The following SLC1A2 variants were observed in gnomAD, a reference collection of about 807,000 sequenced individuals.
The protein encoded by SLC1A2 is solute carrier family 1 member 2.
SLC1A2 carries 15 observed loss-of-function variants against 48.8 expected under a neutral mutation model. That is an observed-to-expected ratio of 0.31 (90% CI 0.21 to 0.47). The LOEUF (loss-of-function observed/expected upper bound fraction) is 0.47. Among genes scored for constraint, SLC1A2 ranks in the 20% least tolerant of loss-of-function variants. The pLI, the probability that SLC1A2 is intolerant of heterozygous loss-of-function variation, is 0.99. For missense variants in SLC1A2, 502 were observed against 730.5 expected, an observed-to-expected ratio of 0.69 and a Z score of 3.61; for synonymous variants, 279 against 272.6, an observed-to-expected ratio of 1.02 and a Z score of -0.23.
At chr11:35,318,684 G>A (rs956253748) in intron 1 of SLC1A2, among the ~76,000 whole-genome samples, 3 of 152,190 alleles carry the variant, frequency 2.0e-5, no homozygotes, top group Non-Finnish European at 2.9e-5. Flanking sequence ...CTTGCTAGCT[G>A]TGTGGGGTGT....
intron 1 of SLC1A2, among the ~76,000 whole-genome samples, chr11:35,321,367 G>C (rs61045842): frequency 0.023 from 3,442 of 152,238 alleles, 117 homozygotes; most frequent in African/African-American, 0.078. Flanking sequence ...CAAGTGTCCA[G>C]GGAAGGCGTC....
At chr11:35,369,803 A>G (rs1235891292) in intron 1 of SLC1A2, among the ~76,000 whole-genome samples, 1 of 152,246 alleles carries the variant, frequency 6.6e-6, no homozygotes, top group African/African-American at 2.4e-5. Context: ...GTATTCAGGC[A>G]GGAGCTGGGG....
chr11:35,276,112 A>T (rs940080891), intron 9 of SLC1A2, among the ~76,000 whole-genome samples: 1 of 152,056 alleles, frequency 6.6e-6, no homozygotes, highest in African/African-American at 2.4e-5. Context: ...GCAGAATTCT[A>T]CTCTAGGTCT....
intron 6 of SLC1A2, among the ~76,000 whole-genome samples, chr11:35,292,995 G>GAC (rs907899687): frequency 6.6e-6 from 1 of 151,772 alleles, no homozygotes; most frequent in Non-Finnish European, 1.5e-5. Context: ...GAGACAGAGA[G>GAC]AGAGAGAGAG....
At chr11:35,361,982 A>C (rs935524252) in intron 1 of SLC1A2, among the ~76,000 whole-genome samples, 2 of 152,228 alleles carry the variant, frequency 1.3e-5, no homozygotes, top group Non-Finnish European at 2.9e-5. Context: ...CCTGTCTCAA[A>C]AATAAATAAA....
At chr11:35,292,140 C>G (rs1851029561) in intron 7 of SLC1A2, 147 bp downstream of exon 7, 2 of 679,752 alleles carry the variant, frequency 2.9e-6, no homozygotes, top group African/African-American at 3.6e-5. Context: ...GACAAAAATT[C>G]AAATCATTCG....
At chr11:35,339,854 G>A (rs145621916) in intron 1 of SLC1A2, among the ~76,000 whole-genome samples, 2 of 152,266 alleles carry the variant, frequency 1.3e-5, no homozygotes, top group African/African-American at 4.8e-5. Flanking sequence ...AAATGAGAGG[G>A]TGACTCACAG....
chr11:35,314,741 AG>A (rs1316724088), intron 3 of SLC1A2, among the ~76,000 whole-genome samples: 2 of 150,256 alleles, frequency 1.3e-5, no homozygotes, highest in Non-Finnish European at 3.0e-5. Flanking sequence ...AAACCACTAG[AG>A]GTATCATCAC....
rs1407916356 is a variant in SLC1A2, at chr11:35,292,437, C to A, written c.941G>T (p.Gly314Val). 1 of 1,613,746 alleles carries A rather than the reference C, an allele frequency of 6.2e-7. No homozygotes were observed. Residue 314 changes from glycine to valine, a missense_variant, in exon 7 of 11, where the codon GGG (glycine) becomes GTG (valine). By Grantham distance (109) the Gly-to-Val change is moderately radical. Transcript: ENST00000278379. ...KDLEVVARQL[G>V]MYMVTVIIGL... is the part of the protein sequence containing the mutation. ...TATGATCACTGTTACCATGTACATC[C>A]CCAGTTGCCTAGCAACCACTTCTAA...
At chr11:35,306,521 A>T (rs1241295342) in intron 4 of SLC1A2, among the ~76,000 whole-genome samples, 1 of 152,232 alleles carries the variant, frequency 6.6e-6, no homozygotes, top group Non-Finnish European at 1.5e-5. Context: ...TTTTTAATGT[A>T]TACAATGTGT....
At chr11:35,318,612 A>T (rs188518704) in intron 1 of SLC1A2, among the ~76,000 whole-genome samples, 20 of 152,344 alleles carry the variant, frequency 1.3e-4, no homozygotes, top group African/African-American at 4.6e-4. Flanking sequence ...ATAACTGGTT[A>T]TAATGGGAAT....
intron 5 of SLC1A2, 45 bp from the exon 6 acceptor site, chr11:35,301,690 T>A: frequency 6.3e-7 from 1 of 1,596,864 alleles, no homozygotes; most frequent in East Asian, 2.2e-5. Context: ...TTACAAAAAA[T>A]GTACTTTTTC....
intron 1 of SLC1A2, among the ~76,000 whole-genome samples, chr11:35,406,386 A>G (rs979923659): frequency 1.1e-4 from 16 of 152,192 alleles, no homozygotes; most frequent in South Asian, 2.1e-4. Context: ...AAGGAAGCAA[A>G]CAAGGGGAAT....
chr11:35,265,302 A>T, intron 10 of SLC1A2: 1 of 557,018 alleles, frequency 1.8e-6, no homozygotes, highest in Non-Finnish European at 3.1e-6. Flanking sequence ...CACATGGACG[A>T]AATAAGCAAC....
intron 1 of SLC1A2, chr11:35,322,954 G>A (rs1383040060): frequency 3.4e-6 from 2 of 591,952 alleles, no homozygotes; most frequent in South Asian, 2.0e-5. Flanking sequence ...TGTAAGACCT[G>A]CCTTAACTGT....
chr11:35,420,015 G>C (rs1261827472), upstream of SLC1A2: 1 of 436,606 alleles, frequency 2.3e-6, no homozygotes, highest in African/African-American at 2.0e-5. Flanking sequence ...CCTAAACGCG[G>C]CCCAGCTGCG....
chr11:35,366,162 A>G lies in SLC1A2; in HGVS notation c.18-48646T>C, dbSNP rs74840866. ...GGGTTCAGGGCCTGTTTTGGTTCTC[A>G]AGTATTGCTGCACCTCTGTGGGAGG... is the stretch of plus-strand genomic sequence containing the variant. On this transcript the variant is annotated intron_variant, in intron 1 of 10. Transcript: ENST00000278379. 3.1e-3 allele frequency among the ~76,000 whole-genome samples: 473 copies of G among 152,296 alleles called. 18 individuals are homozygous for G. The East Asian group carries it at 0.082, about 26-fold the overall frequency.
At chr11:35,344,758 C>T (rs1314653354) in intron 1 of SLC1A2, among the ~76,000 whole-genome samples, 2 of 152,100 alleles carry the variant, frequency 1.3e-5, no homozygotes, top group South Asian at 2.1e-4. Flanking sequence ...AATGGGAGAC[C>T]CTTCCTGCTT....
At chr11:35,349,763 A>G (rs191474865) in intron 1 of SLC1A2, among the ~76,000 whole-genome samples, 2 of 152,318 alleles carry the variant, frequency 1.3e-5, no homozygotes, top group Admixed American at 1.3e-4. Context: ...AGGGTTTCCT[A>G]TTAGCTGCAT....
Sources: allele counts gnomAD v4.1 joint callset (sites outside exome capture counted in the v4.1 genomes callset), GRCh38; gene constraint gnomAD v4.1.1; transcripts MANE v1.5; gene names NCBI Gene and HGNC (gene_info 2026-07-23, HGNC 2026-07-21).